The following NRG3 variants were observed in gnomAD, a reference collection of about 807,000 sequenced individuals.
NRG3 encodes the protein pro-neuregulin-3, membrane-bound isoform.
In NRG3, 31 loss-of-function variants were observed where a neutral mutation model predicts 66.9. That is an observed-to-expected ratio of 0.46 (90% confidence interval 0.35 to 0.63). The LOEUF (loss-of-function observed/expected upper bound fraction) is 0.63, where lower values mean the gene tolerates loss of function less well. Ranked by LOEUF, NRG3 falls within the 20% of genes least tolerant of loss-of-function variation. NRG3 has a pLI of 0.00. For synonymous variants in NRG3, 393 were observed against 359.4 expected (o/e 1.09, Z -1.06); for missense variants, 910 against 878.9 (o/e 1.04, Z -0.45).
At chr10:82,727,513 C>T (rs1244916630) in intron 2 of NRG3, among the ~76,000 whole-genome samples, 2 of 152,208 alleles carry the variant, frequency 1.3e-5, no homozygotes, top group South Asian at 2.1e-4. Context: ...CCTGCAGGTA[C>T]ACAAAAGTCA....
intron 1 of NRG3, among the ~76,000 whole-genome samples, chr10:82,094,312 G>C (rs2066208081): frequency 6.6e-6 from 1 of 152,124 alleles, no homozygotes; most frequent in Non-Finnish European, 1.5e-5. Context: ...TACAGCATCA[G>C]AATGACTATT....
chr10:82,533,347 T>G (rs1453234518), intron 2 of NRG3, among the ~76,000 whole-genome samples: 1 of 152,140 alleles, frequency 6.6e-6, no homozygotes, highest in Non-Finnish European at 1.5e-5. Flanking sequence ...TGGTATTATA[T>G]CTGTGAAAAT....
At chr10:82,615,023 C>G (rs1428137098) in intron 2 of NRG3, among the ~76,000 whole-genome samples, 1 of 152,048 alleles carries the variant, frequency 6.6e-6, no homozygotes, top group Non-Finnish European at 1.5e-5. Context: ...AGTTCTATTA[C>G]TATTCTATAC....
intron 1 of NRG3, among the ~76,000 whole-genome samples, chr10:81,967,087 C>CT (rs1426426738): frequency 6.6e-6 from 1 of 151,450 alleles, no homozygotes; most frequent in Admixed American, 6.6e-5. Context: ...TTATTTATAA[C>CT]TTTATGTTTT....
chr10:82,635,961 A>G (rs1475665466), intron 2 of NRG3, among the ~76,000 whole-genome samples: 1 of 152,168 alleles, frequency 6.6e-6, no homozygotes, highest in Non-Finnish European at 1.5e-5. Flanking sequence ...GTCCATATGT[A>G]GAGTGGCTTC....
At chr10:82,132,341 T>C in intron 1 of NRG3, among the ~76,000 whole-genome samples, 1 of 150,242 alleles carries the variant, frequency 6.7e-6, no homozygotes, top group Non-Finnish European at 1.5e-5. Context: ...ATCGTGTTGA[T>C]TGATTTGCAT....
intron 2 of NRG3, among the ~76,000 whole-genome samples, chr10:82,700,164 T>G (rs2055752410): frequency 6.6e-6 from 1 of 152,160 alleles, no homozygotes; most frequent in African/African-American, 2.4e-5. Flanking sequence ...GATCAAAGTC[T>G]TAAGTTAGAT....
chr10:82,775,195 T>C (rs1182237521), intron 3 of NRG3, among the ~76,000 whole-genome samples: 3 of 150,392 alleles, frequency 2.0e-5, no homozygotes, highest in Non-Finnish European at 4.4e-5. Context: ...AGGCATAATA[T>C]AGGGCTATAT....
intron 1 of NRG3, among the ~76,000 whole-genome samples, chr10:81,891,475 A>G (rs966264012): frequency 6.6e-6 from 1 of 152,112 alleles, no homozygotes; most frequent in African/African-American, 2.4e-5. Flanking sequence ...ACTTCCACTT[A>G]GATGCTCTGC....
At chr10:82,209,465 G>A (rs549916552) in intron 1 of NRG3, among the ~76,000 whole-genome samples, 1 of 152,148 alleles carries the variant, frequency 6.6e-6, no homozygotes, top group Non-Finnish European at 1.5e-5. Context: ...CTATGTATAA[G>A]TAGAATTATA....
At chr10:82,282,043 G>A in intron 1 of NRG3, among the ~76,000 whole-genome samples, 1 of 151,872 alleles carries the variant, frequency 6.6e-6, no homozygotes, top group Non-Finnish European at 1.5e-5. Flanking sequence ...ATGGCTGTGG[G>A]TCTCAAACTC....
chr10:82,717,390 C>CTTTT (rs59189864), intron 2 of NRG3, among the ~76,000 whole-genome samples: 3 of 83,580 alleles, frequency 3.6e-5, no homozygotes, highest in Non-Finnish European at 6.7e-5. Flanking sequence ...ATTGGAAAAG[C>CTTTT]TTTTTTTTTT....
chr10:82,222,587 C>T (rs2075990754), intron 1 of NRG3, among the ~76,000 whole-genome samples: 1 of 150,004 alleles, frequency 6.7e-6, no homozygotes, highest in Non-Finnish European at 1.5e-5. Flanking sequence ...ATTTCTAAAA[C>T]CAATTACTAC....
intron 1 of NRG3, among the ~76,000 whole-genome samples, chr10:82,056,645 AT>A (rs1197029620): frequency 6.6e-6 from 1 of 152,174 alleles, no homozygotes; most frequent in Non-Finnish European, 1.5e-5. Flanking sequence ...TTTTTCAAGT[AT>A]CTCATTGAAA....
At chr10:82,535,453 T>C (rs1355669941) in intron 2 of NRG3, among the ~76,000 whole-genome samples, 1 of 151,754 alleles carries the variant, frequency 6.6e-6, no homozygotes, top group African/African-American at 2.4e-5. Context: ...ATTTAAAGGG[T>C]TTTTGGTAAG....
chr10:82,360,447 A>C (rs2084057824), intron 2 of NRG3, among the ~76,000 whole-genome samples: 1 of 152,214 alleles, frequency 6.6e-6, no homozygotes, highest in Non-Finnish European at 1.5e-5. Flanking sequence ...ATGAATCAGA[A>C]GCATTAGCTA....
chr10:81,969,152 T>C (rs987687828), intron 1 of NRG3, among the ~76,000 whole-genome samples: 3 of 152,148 alleles, frequency 2.0e-5, no homozygotes, highest in African/African-American at 7.2e-5. Context: ...GGATCTTCTG[T>C]GTCAGGGACC....
intron 1 of NRG3, among the ~76,000 whole-genome samples, chr10:82,357,822 C>T (rs987064753): frequency 3.3e-5 from 5 of 152,168 alleles, no homozygotes; most frequent in African/African-American, 1.2e-4. Context: ...TATAATATCC[C>T]ATGCTTGAAT....
intron 4 of NRG3, among the ~76,000 whole-genome samples, chr10:82,945,954 G>A (rs1848980976): frequency 6.6e-6 from 1 of 152,048 alleles, no homozygotes; most frequent in African/African-American, 2.4e-5. Flanking sequence ...CAGATTCTAA[G>A]CCTTAAGAAC....
Sources: gnomAD v4.1 joint callset for allele counts (sites outside exome capture counted in the v4.1 genomes callset) on GRCh38, gnomAD v4.1.1 for gene constraint, MANE v1.5 for transcripts, NCBI Gene and HGNC (gene_info 2026-07-23, HGNC 2026-07-21) for gene names.